Variants in BMP5 observed in about 807,000 individuals in gnomAD.
The protein encoded by BMP5 is bone morphogenetic protein 5.
In BMP5, 23 loss-of-function variants were observed where a neutral mutation model predicts 46.6. The ratio of observed to expected loss-of-function variants is 0.49; its 90% CI spans 0.35 to 0.70. The LOEUF (loss-of-function observed/expected upper bound fraction) is 0.70. BMP5 is among the 30% of genes least tolerant of loss of function. BMP5 has a pLI of 0.00. For synonymous variants in BMP5, 204 were observed against 191.9 expected (o/e 1.06, Z -0.52); for missense variants, 545 against 565.6 (o/e 0.96, Z 0.37).
chr6:55,865,734 T>G (rs1189076831), intron 1 of BMP5, among the ~76,000 whole-genome samples: 1 of 152,200 alleles, frequency 6.6e-6, no homozygotes, highest in Non-Finnish European at 1.5e-5. Context: ...TAGAAATAGT[T>G]GTAATAGCAG....
Position 55,872,592 on chromosome 6 carries a change from A to T in BMP5, c.490+1784T>A, listed in dbSNP as rs183409137. Among the ~76,000 whole-genome samples, 33 of 151,872 alleles carry T rather than the reference A, an allele frequency of 2.2e-4. 1 individual carries two copies. The East Asian group carries it at 5.8e-3, about 27-fold the overall frequency. On this transcript the variant is annotated intron_variant, in intron 1 of 6. Coordinates refer to ENST00000370830, the MANE Select transcript of BMP5 (RefSeq NM_021073.4). ...GTTTTGACTTTCTTACTCTATGTAG[A>T]TTTATAAAAAGTAAACACATAAATC...
chr6:55,774,487 G>C (rs181900867), intron 3 of BMP5, among the ~76,000 whole-genome samples: 1 of 152,000 alleles, frequency 6.6e-6, no homozygotes, highest in Non-Finnish European at 1.5e-5. Context: ...CACTCACTGA[G>C]AGCTTCTCAG....
chr6:55,786,341 A>C (rs919997344), intron 3 of BMP5, among the ~76,000 whole-genome samples: 15 of 151,916 alleles, frequency 9.9e-5, no homozygotes, highest in African/African-American at 3.4e-4. Context: ...GACTGTAGAA[A>C]TTACCTGAAA....
At chr6:55,763,414 T>G (rs1045073532) in intron 4 of BMP5, among the ~76,000 whole-genome samples, 1 of 152,140 alleles carries the variant, frequency 6.6e-6, no homozygotes, top group African/African-American at 2.4e-5. Context: ...AGAGTCTGAT[T>G]TCATAGAGCA....
rs1422999410 is a variant in BMP5 at position 55,759,183 on chromosome 6, A to C, written c.1105-68T>G. 121 of 709,560 alleles carry C rather than the reference A, an allele frequency of 1.7e-4. 1 individual carries two copies. In the African/African-American group the frequency reaches 2.5e-3, roughly 14 times the overall value. The allele number at this position is 709,560 out of a possible 1,614,324, so 44.0% of individuals were successfully genotyped here. The stretch of plus-strand genomic sequence containing the variant: ...AAAAAAAAAAAAAAAAAAAAAAAAA[A>C]CAACAAGAAAAAATATCACCAAAGT... On this transcript the variant is annotated intron_variant, in intron 5 of 6. Transcript: ENST00000370830.
At chr6:55,871,374 C>T (rs1278943105) in intron 1 of BMP5, among the ~76,000 whole-genome samples, 3 of 151,682 alleles carry the variant, frequency 2.0e-5, no homozygotes, top group Non-Finnish European at 1.5e-5. Flanking sequence ...TAAAAGTGGC[C>T]TAAGAATAAT....
At chr6:55,798,305 A>C (rs543923391) in intron 2 of BMP5, among the ~76,000 whole-genome samples, 6 of 152,324 alleles carry the variant, frequency 3.9e-5, no homozygotes, top group African/African-American at 1.4e-4. Flanking sequence ...AATTCAACCC[A>C]TAATACTAAT....
intron 2 of BMP5, among the ~76,000 whole-genome samples, chr6:55,806,518 G>C (rs1455003817): frequency 6.6e-6 from 1 of 152,122 alleles, no homozygotes; most frequent in Non-Finnish European, 1.5e-5. Context: ...CTCCAGCTTT[G>C]TTCTTTTTGC....
rs79378592 is a variant in BMP5, at chr6:55,841,416, T to C, written c.491-21569A>G. Among the ~76,000 whole-genome samples, 968 of 152,318 alleles carry C rather than the reference T, an allele frequency of 6.4e-3. 29 individuals carry two copies. In the East Asian group the frequency reaches 0.076, roughly 12 times the overall value. Reference sequence around the variant, plus strand: ...AAAATTTTGATTCTCTTTTCTTCAGTTTAAATTGTTTCTATTGATTTGTTT... The same window carrying C: ...AAAATTTTGATTCTCTTTTCTTCAGCTTAAATTGTTTCTATTGATTTGTTT... On this transcript the variant is annotated intron_variant, in intron 1 of 6. Coordinates refer to ENST00000370830, the MANE Select transcript of BMP5 (RefSeq NM_021073.4).
chr6:55,825,616 T>C (rs1776512815), intron 1 of BMP5, among the ~76,000 whole-genome samples: 1 of 151,780 alleles, frequency 6.6e-6, no homozygotes, highest in Non-Finnish European at 1.5e-5. Context: ...GTTTTTTTTT[T>C]CCTCCCAAGC....
At chr6:55,789,573 T>C (rs1454273541) in intron 3 of BMP5, among the ~76,000 whole-genome samples, 1 of 152,080 alleles carries the variant, frequency 6.6e-6, no homozygotes, top group Non-Finnish European at 1.5e-5. Context: ...TGTCAGTTAA[T>C]TAATGTATCA....
At chr6:55,847,292 GCAGTCC>G (rs573613656) in intron 1 of BMP5, among the ~76,000 whole-genome samples, 27 of 151,868 alleles carry the variant, frequency 1.8e-4, no homozygotes, top group Non-Finnish European at 2.9e-4. Context: ...CTCAACCAGG[GCAGTCC>G]CAGCACTTCA....
intron 1 of BMP5, among the ~76,000 whole-genome samples, chr6:55,864,773 G>A (rs1196057123): frequency 6.6e-6 from 1 of 152,000 alleles, no homozygotes; most frequent in African/African-American, 2.4e-5. Flanking sequence ...TGTAATAGAA[G>A]ATGTCCACAG....
chr6:55,798,169 A>T (rs1737202817), intron 2 of BMP5, among the ~76,000 whole-genome samples: 1 of 152,034 alleles, frequency 6.6e-6, no homozygotes, highest in Non-Finnish European at 1.5e-5. Context: ...CACCAGTCGT[A>T]TTGGGTTAGG....
chr6:55,859,593 G>A (rs1374550), intron 1 of BMP5, among the ~76,000 whole-genome samples: 79,774 of 152,016 alleles, frequency 0.52, 22,879 homozygotes, highest in African/African-American at 0.75. Context: ...ACAAAAAGGT[G>A]TATTTTTAAA....
In BMP5 at chr6:55,819,504, G is replaced by C. The variant is rs533899706; in HGVS notation, c.683+151C>G. The C allele has an allele frequency of 8.7e-6, 6 of 686,326 alleles. No individual in the cohort carries two copies. The African/African-American group carries it at 9.0e-5, about 10-fold the overall frequency. 42.5% of individuals were successfully genotyped at this position (686,326 alleles called of 1,614,324 possible). ...GGAGAAAATTTTCAGATCGATTACG[G>C]TTACCTTTCAATATCTCTACCTGGC... On this transcript the variant is annotated intron_variant, in intron 2 of 6. Coordinates refer to ENST00000370830, the MANE Select transcript of BMP5 (RefSeq NM_021073.4).
chr6:55,783,858 C>T (rs540298407), intron 3 of BMP5, among the ~76,000 whole-genome samples: 48 of 151,852 alleles, frequency 3.2e-4, no homozygotes, highest in Non-Finnish European at 5.5e-4. Flanking sequence ...AACAGAAATA[C>T]AGATGTAGCC....
intron 2 of BMP5, among the ~76,000 whole-genome samples, chr6:55,817,937 T>C (rs1776317274): frequency 6.6e-6 from 1 of 152,054 alleles, no homozygotes; most frequent in Admixed American, 6.6e-5. Flanking sequence ...TGGTCTTCTG[T>C]GGTTGCAATG....
intron 2 of BMP5, among the ~76,000 whole-genome samples, chr6:55,814,191 T>G (rs938565445): frequency 3.3e-5 from 5 of 152,118 alleles, no homozygotes; most frequent in South Asian, 2.1e-4. Flanking sequence ...ACTAATTATT[T>G]ATTAAATAAA....
Sources: gnomAD v4.1 joint callset for allele counts (sites outside exome capture counted in the v4.1 genomes callset) on GRCh38, gnomAD v4.1.1 for gene constraint, MANE v1.5 for transcripts, NCBI Gene and HGNC (gene_info 2026-07-23, HGNC 2026-07-21) for gene names.